UBXN7: variants seen among roughly 807,000 people sequenced by gnomAD.
UBXN7 encodes the protein UBX domain-containing protein 7.
In UBXN7, 9 loss-of-function variants were observed where a neutral mutation model predicts 58.0. The observed-to-expected ratio is 0.16, with a 90% CI of 0.09 to 0.27. The LOEUF is 0.27. Among genes scored for constraint, UBXN7 ranks in the 10% least tolerant of loss-of-function variants. UBXN7 has a pLI of 1.00. For synonymous variants in UBXN7, 208 were observed against 205.0 expected (o/e 1.01, Z -0.12); for missense variants, 328 against 599.6 (o/e 0.55, Z 4.73).
At chr3:196,380,971 G>A (rs1251574037) in intron 5 of UBXN7, among the ~76,000 whole-genome samples, 4 of 152,220 alleles carry the variant, frequency 2.6e-5, no homozygotes, top group East Asian at 1.9e-4. Flanking sequence ...TAAACAAAGC[G>A]GCTGGGAAGC....
chr3:196,377,249 C>A (rs566207468), intron 5 of UBXN7, among the ~76,000 whole-genome samples: 31 of 152,204 alleles, frequency 2.0e-4, no homozygotes, highest in African/African-American at 6.5e-4. Flanking sequence ...AGGAAACATT[C>A]CCTTGCCCAG....
chr3:196,425,212 C>A (rs984492369), intron 1 of UBXN7, among the ~76,000 whole-genome samples: 3 of 152,066 alleles, frequency 2.0e-5, no homozygotes, highest in African/African-American at 7.2e-5. Context: ...GTGTCCAAAA[C>A]AGAATCCTAA....
chr3:196,425,803 G>C (rs1448047821), intron 1 of UBXN7, among the ~76,000 whole-genome samples: 2 of 152,162 alleles, frequency 1.3e-5, no homozygotes, highest in African/African-American at 4.8e-5. Flanking sequence ...TCTCCTGCAA[G>C]AAACATCTTC....
At chr3:196,417,238 G>A (rs1365976686) in intron 1 of UBXN7, among the ~76,000 whole-genome samples, 11 of 152,048 alleles carry the variant, frequency 7.2e-5, no homozygotes, top group African/African-American at 1.4e-4. Flanking sequence ...GCGTGAACCC[G>A]GCAGCGGAGC....
Position 196,406,668 on chromosome 3 carries a change from C to A in UBXN7, c.221+578G>T, listed in dbSNP as rs145581843. ...ACCATGTTGGTCAAGCTGGTCTCGACCTCCTGACCTCGTGATCAGCCCACC... is the reference window on the plus strand; with the variant it reads ...ACCATGTTGGTCAAGCTGGTCTCGAACTCCTGACCTCGTGATCAGCCCACC... On this transcript the variant is annotated intron_variant, in intron 2 of 10. Transcript: ENST00000296328. Among the ~76,000 whole-genome samples the A allele has an allele frequency of 2.1e-3, 313 of 151,794 alleles. 2 individuals carry two copies. Among genetic ancestry groups the A allele is most frequent in the African/African-American group, 7.1e-3 (293 of 41,400 alleles).
rs971433179 is a variant in UBXN7 at position 196,369,425 on chromosome 3, C to T, written c.702G>A (p.Arg234=). 6.2e-7 allele frequency: 1 copy of T among 1,610,300 alleles called. No individual in the cohort carries two copies. Residue 234 remains arginine, a synonymous_variant, in exon 7 of 11, where the codon CGG becomes CGA. Coordinates refer to ENST00000296328, the MANE Select transcript of UBXN7 (RefSeq NM_015562.2). The part of the protein sequence containing the change: ...DFPYVSILDP[R]TGQKLVEWHQ... ...GCGTGCTGATATAAATCTTACCTGT[C>T]CGTGGGTCCAATATGGAAACATAGG...
At chr3:196,361,107 G>C (rs1676368914) in intron 10 of UBXN7, among the ~76,000 whole-genome samples, 1 of 152,144 alleles carries the variant, frequency 6.6e-6, no homozygotes, top group South Asian at 2.1e-4. Context: ...AACATGAACA[G>C]GGCTTTGGAA....
intron 3 of UBXN7, chr3:196,400,297 A>G (rs1350320752): frequency 1.3e-5 from 2 of 152,208 alleles, no homozygotes; most frequent in African/African-American, 4.8e-5. Flanking sequence ...CTGAGCCCAC[A>G]CCTGAACTGT....
chr3:196,368,349 A>G (rs1182604172), intron 7 of UBXN7, among the ~76,000 whole-genome samples, 194 bp from the exon 8 acceptor site: 2 of 152,118 alleles, frequency 1.3e-5, no homozygotes, highest in Non-Finnish European at 2.9e-5. Flanking sequence ...ATTCTTATTA[A>G]GTATCTCTTT....
chr3:196,356,602 T>G lies in UBXN7; in HGVS notation c.*83A>C. 2.1e-5 allele frequency: 31 copies of G among 1,491,974 alleles called. No individual in the cohort carries two copies. The highest frequency in any genetic ancestry group is 2.5e-5 in the Non-Finnish European group (28 of 1,120,430). 92.4% of individuals were successfully genotyped at this position (1,491,974 alleles called of 1,614,324 possible). A position where few individuals can be genotyped will look rare whatever the true frequency, so the allele number is the denominator to read the frequency against. On this transcript the variant is annotated 3_prime_UTR_variant, in exon 11 of 11. Coordinates refer to ENST00000296328, the MANE Select transcript of UBXN7 (RefSeq NM_015562.2). ...GCCCAACTTTGGCTCTGTGGTCCTA[T>G]GAGCCAAAATGCATACTTAGTGACA...
intron 1 of UBXN7, among the ~76,000 whole-genome samples, chr3:196,427,531 T>A (rs1282257425): frequency 6.6e-6 from 1 of 152,228 alleles, no homozygotes; most frequent in African/African-American, 2.4e-5. Context: ...TTGGCCAGAC[T>A]GGTCTGAAGC....
At chr3:196,391,678 G>T in intron 5 of UBXN7, 135 bp downstream of exon 5, 1 of 592,712 alleles carries the variant, frequency 1.7e-6, no homozygotes, top group Non-Finnish European at 2.9e-6. Flanking sequence ...AGGCTGCAGT[G>T]AGCTATGATT....
chr3:196,418,346 C>T (rs1003590639), intron 1 of UBXN7, among the ~76,000 whole-genome samples: 4 of 152,020 alleles, frequency 2.6e-5, no homozygotes, highest in Non-Finnish European at 5.9e-5. Flanking sequence ...GTACTCTATA[C>T]GTAAATGACA....
chr3:196,421,582 C>A (rs1730686746), intron 1 of UBXN7, among the ~76,000 whole-genome samples: 1 of 151,024 alleles, frequency 6.6e-6, no homozygotes, highest in Non-Finnish European at 1.5e-5. Context: ...CCATCCTGGC[C>A]AACATGGTGA....
At chr3:196,387,111 C>T (rs1024192770) in intron 5 of UBXN7, among the ~76,000 whole-genome samples, 3 of 152,130 alleles carry the variant, frequency 2.0e-5, no homozygotes, top group Non-Finnish European at 4.4e-5. Context: ...TGGAACAGAA[C>T]AGAGGCCTCA....
chr3:196,425,645 A>G (rs923029811), intron 1 of UBXN7, among the ~76,000 whole-genome samples: 5 of 151,832 alleles, frequency 3.3e-5, no homozygotes, highest in Non-Finnish European at 7.4e-5. Flanking sequence ...GCCCAACCCA[A>G]TCTCCCATTT....
At chr3:196,392,613 G>C (rs977693833) in intron 4 of UBXN7, among the ~76,000 whole-genome samples, 8 of 151,732 alleles carry the variant, frequency 5.3e-5, no homozygotes, top group Non-Finnish European at 8.8e-5. Context: ...GGCCAGCCTG[G>C]GCAACATGGT....
chr3:196,398,251 G>C (rs569226824), intron 3 of UBXN7, among the ~76,000 whole-genome samples: 1 of 152,098 alleles, frequency 6.6e-6, no homozygotes, highest in South Asian at 2.1e-4. Context: ...ACCTTTGTAG[G>C]AGACCCTAAC....
intron 8 of UBXN7, among the ~76,000 whole-genome samples, chr3:196,363,243 CATACATAA>C (rs146048265): frequency 0.28 from 36,097 of 127,618 alleles, 4,757 homozygotes; most frequent in Admixed American, 0.31. Context: ...TACATACATA[CATACATAA>C]ATATATATAT....
Sources: allele counts gnomAD v4.1 joint callset (sites outside exome capture counted in the v4.1 genomes callset), GRCh38; gene constraint gnomAD v4.1.1; transcripts MANE v1.5; gene names NCBI Gene and HGNC (gene_info 2026-07-23, HGNC 2026-07-21).